Variants in R3HCC1L observed in about 807,000 individuals in gnomAD.
R3HCC1L encodes the protein coiled-coil domain-containing protein R3HCC1L.
Under a neutral mutation model 59.9 loss-of-function variants are expected in R3HCC1L, and 51 were observed. The observed-to-expected ratio is 0.85, with a 90% CI of 0.68 to 1.07. The LOEUF (loss-of-function observed/expected upper bound fraction) is 1.07. Ranked by LOEUF, R3HCC1L falls within the 50% of genes least tolerant of loss-of-function variation. The pLI, the probability that R3HCC1L is intolerant of heterozygous loss-of-function variation, is 0.00. For synonymous variants in R3HCC1L, 322 were observed against 315.2 expected (o/e 1.02, Z -0.23); for missense variants, 965 against 933.0 (o/e 1.03, Z -0.45).
chr10:98,176,057 A>G (rs934670473), intron 4 of R3HCC1L, among the ~76,000 whole-genome samples: 9 of 152,088 alleles, frequency 5.9e-5, no homozygotes, highest in African/African-American at 2.2e-4. Flanking sequence ...AATTTCCTTT[A>G]TACATTTCTT....
chr10:98,244,388 G>C lies in R3HCC1L; in HGVS notation c.*230G>C. 2.5e-6 allele frequency: 1 copy of C among 398,346 alleles called. No individual in the cohort carries two copies. The allele number at this position is 398,346 out of a possible 1,614,324, so 24.7% of individuals were successfully genotyped here. A position where few individuals can be genotyped will look rare whatever the true frequency, so the allele number is the denominator to read the frequency against. ...TGGTGGGCGTAGTAGGGAGCCATCA[G>C]CTAGGAAGAAACGTGGGAGATGTGA... On this transcript the variant is annotated 3_prime_UTR_variant, in exon 10 of 10. Transcript: ENST00000298999.
intron 1 of R3HCC1L, among the ~76,000 whole-genome samples, chr10:98,135,478 G>T (rs938148865): frequency 6.6e-6 from 1 of 152,186 alleles, no homozygotes; most frequent in Non-Finnish European, 1.5e-5. Flanking sequence ...CGAAAGCTTT[G>T]AACTCTAAAG....
At chr10:98,159,491 CTGTT>C (rs1370497856) in intron 2 of R3HCC1L, among the ~76,000 whole-genome samples, 3 of 152,176 alleles carry the variant, frequency 2.0e-5, no homozygotes, top group Non-Finnish European at 2.9e-5. Flanking sequence ...TATCCTGTCA[CTGTT>C]TGAACTTTCA....
At chr10:98,231,937 C>T (rs1373324316) in intron 6 of R3HCC1L, among the ~76,000 whole-genome samples, 1 of 152,176 alleles carries the variant, frequency 6.6e-6, no homozygotes, top group Non-Finnish European at 1.5e-5. Flanking sequence ...GTGATGACTT[C>T]ATGGTGCATT....
rs1239923628 is a variant in R3HCC1L at position 98,163,386 on chromosome 10, GTTAC to G, written c.-21_-18del. The G allele has an allele frequency of 7.5e-7, 1 of 1,334,578 alleles. No homozygotes were observed. Among genetic ancestry groups the G allele is most frequent in the East Asian group, 2.7e-5 (1 of 37,510 alleles). 82.7% of individuals were successfully genotyped at this position (1,334,578 alleles called of 1,614,324 possible). A position where few individuals can be genotyped will look rare whatever the true frequency, so the allele number is the denominator to read the frequency against. On this transcript the variant is annotated 5_prime_UTR_variant, in exon 4 of 10. It removes the in-frame stop codon of an upstream open reading frame in the 5' UTR. Coordinates refer to ENST00000298999, the MANE Select transcript of R3HCC1L (RefSeq NM_001351015.2). ...GAGTTTTATTACTAAGAAAATAAAT[GTTAC>G]TTACATGGTAAGTTGCCTTTACTTA...
intron 4 of R3HCC1L, among the ~76,000 whole-genome samples, chr10:98,202,178 C>T (rs1164779381): frequency 6.6e-6 from 1 of 152,002 alleles, no homozygotes; most frequent in Non-Finnish European, 1.5e-5. Flanking sequence ...TATGCAGGGA[C>T]CCCTCAAGTT....
chr10:98,143,748 G>T (rs1845394300), intron 1 of R3HCC1L, among the ~76,000 whole-genome samples: 1 of 152,158 alleles, frequency 6.6e-6, no homozygotes. Context: ...TATTACTACT[G>T]TCATAAATTC....
At chr10:98,230,792 G>C (rs1856284024) in intron 5 of R3HCC1L, among the ~76,000 whole-genome samples, 1 of 152,200 alleles carries the variant, frequency 6.6e-6, no homozygotes, top group Admixed American at 6.5e-5. Context: ...TCATGGCTTT[G>C]CTGCCGCTTT....
At position 98,177,777 on chromosome 10, in the gene R3HCC1L, A is replaced by G. The variant is rs529231038; in HGVS notation, c.-15+14380A>G. Among the ~76,000 whole-genome samples, 55 of 152,222 alleles carry G rather than the reference A, an allele frequency of 3.6e-4. 1 individual carries two copies. The highest frequency in any genetic ancestry group is 3.2e-3 in the Admixed American group (49 of 15,282). ...GGTTTTGATTTGCATTTTTCTGATCACCAGTGATGATGAGCATTTTTTCAT... is the reference window on the plus strand; with the variant it reads ...GGTTTTGATTTGCATTTTTCTGATCGCCAGTGATGATGAGCATTTTTTCAT... On this transcript the variant is annotated intron_variant, in intron 4 of 9. Transcript: ENST00000298999.
intron 4 of R3HCC1L, among the ~76,000 whole-genome samples, chr10:98,199,508 A>G (rs1012555424): frequency 1.6e-4 from 24 of 151,878 alleles, no homozygotes; most frequent in Admixed American, 1.4e-3. Context: ...ATACTGTGGC[A>G]TATGTTGTAT....
In R3HCC1L at chr10:98,208,542, A is replaced by G; in HGVS notation, c.428A>G (p.Lys143Arg). 1 of 1,614,162 alleles carries G rather than the reference A, an allele frequency of 6.2e-7. No homozygotes were observed. The highest frequency in any genetic ancestry group is 8.5e-7 in the Non-Finnish European group (1 of 1,180,018). The change falls in exon 5 of 10, where the codon AAG becomes AGG. Residue 143 changes from lysine (K) to arginine (R), a missense_variant. Transcript: ENST00000298999. Reference sequence around the variant, plus strand: ...CCTTTGCAGAGACATTTTAAACCAAAGAAGGTGGAGTGTTTGGAAGTTGAA... The same window carrying G: ...CCTTTGCAGAGACATTTTAAACCAAGGAAGGTGGAGTGTTTGGAAGTTGAA... ...NAPLQRHFKPKKVECLEVETT... is the reference protein window; with the variant it reads ...NAPLQRHFKPRKVECLEVETT...
At chr10:98,173,675 AGT>A (rs1158984005) in intron 4 of R3HCC1L, among the ~76,000 whole-genome samples, 10 of 152,136 alleles carry the variant, frequency 6.6e-5, no homozygotes, top group African/African-American at 2.4e-4. Context: ...CAGAGTGGGC[AGT>A]GATTAATCAC....
chr10:98,188,802 G>C (rs1336780195), intron 4 of R3HCC1L, among the ~76,000 whole-genome samples: 1 of 152,152 alleles, frequency 6.6e-6, no homozygotes, highest in African/African-American at 2.4e-5. Flanking sequence ...TGGTCTCAGA[G>C]TATCTAGATT....
intron 1 of R3HCC1L, among the ~76,000 whole-genome samples, chr10:98,155,410 C>T (rs1846745280): frequency 1.3e-5 from 2 of 151,974 alleles, no homozygotes; most frequent in Non-Finnish European, 2.9e-5. Flanking sequence ...TGTGCTCTTT[C>T]ACTATTAGAA....
intron 4 of R3HCC1L, among the ~76,000 whole-genome samples, chr10:98,167,430 G>A (rs61873749): frequency 0.18 from 28,012 of 152,136 alleles, 2,717 homozygotes; most frequent in Non-Finnish European, 0.2. Context: ...TGATAGATAC[G>A]GAGCTGTAGC....
chr10:98,197,348 A>G (rs1000414208), intron 4 of R3HCC1L, among the ~76,000 whole-genome samples: 2 of 151,910 alleles, frequency 1.3e-5, no homozygotes, highest in African/African-American at 4.8e-5. Flanking sequence ...CTGATAATTT[A>G]TGTGTCTCTC....
chr10:98,135,423 T>C (rs1453689827), intron 1 of R3HCC1L, among the ~76,000 whole-genome samples: 1 of 152,204 alleles, frequency 6.6e-6, no homozygotes, highest in Non-Finnish European at 1.5e-5. Context: ...TTCTTTGCCC[T>C]GCGGCCTTCC....
intron 5 of R3HCC1L, among the ~76,000 whole-genome samples, chr10:98,228,297 T>C (rs908500011): frequency 4.6e-5 from 7 of 152,216 alleles, no homozygotes; most frequent in African/African-American, 1.7e-4. Flanking sequence ...AGATGGTATC[T>C]CATTGTGGTT....
chr10:98,206,818 C>T (rs964918744), intron 4 of R3HCC1L, among the ~76,000 whole-genome samples: 1 of 152,058 alleles, frequency 6.6e-6, no homozygotes. Flanking sequence ...TTGAAAAATC[C>T]TGGCATGCCT....
Sources: gnomAD v4.1 joint callset for allele counts (sites outside exome capture counted in the v4.1 genomes callset) on GRCh38, gnomAD v4.1.1 for gene constraint, MANE v1.5 for transcripts, NCBI Gene and HGNC (gene_info 2026-07-23, HGNC 2026-07-21) for gene names.